RBFOX1: variants seen among roughly 807,000 people sequenced by gnomAD.
RBFOX1 encodes RNA binding protein fox-1 homolog 1.
A neutral mutation model predicts 57.7 loss-of-function variants in RBFOX1; 8 were observed. The ratio of observed to expected loss-of-function variants is 0.14; its 90% CI spans 0.08 to 0.25. The LOEUF (loss-of-function observed/expected upper bound fraction) is 0.25. Among genes scored for constraint, RBFOX1 ranks in the 10% least tolerant of loss-of-function variants. The pLI is 1.00. For synonymous variants in RBFOX1, 326 were observed against 222.4 expected, an observed-to-expected ratio of 1.47 and a Z score of -4.15; for missense variants, 611 against 548.5, an observed-to-expected ratio of 1.11 and a Z score of -1.14.
At chr16:7,518,695 A>G (rs777129580) in intron 5 of RBFOX1, among the ~76,000 whole-genome samples, 9 of 137,642 alleles carry the variant, frequency 6.5e-5, no homozygotes, top group Admixed American at 1.4e-4. Flanking sequence ...ATTTTTTTGG[A>G]AAAAAAAAAT....
intron 2 of RBFOX1, among the ~76,000 whole-genome samples, chr16:6,639,619 G>A (rs1300907765): frequency 6.6e-6 from 1 of 152,206 alleles, no homozygotes; most frequent in African/African-American, 2.4e-5. Flanking sequence ...GCTCACGCCT[G>A]TAATCCCAGC....
intron 3 of RBFOX1, among the ~76,000 whole-genome samples, chr16:6,823,667 G>A (rs1390695974): frequency 6.6e-6 from 1 of 152,164 alleles, no homozygotes. Context: ...CTTAGGGTCA[G>A]TGGAAATCAT....
intron 1 of RBFOX1, among the ~76,000 whole-genome samples, chr16:6,273,311 A>G (rs866103016): frequency 8.6e-5 from 13 of 151,366 alleles, no homozygotes; most frequent in African/African-American, 2.7e-4. Context: ...TTTGAGATTT[A>G]AAGCTAGGCA....
At chr16:5,370,349 C>G (rs373492761) in intron 1 of RBFOX1, among the ~76,000 whole-genome samples, 14 of 152,120 alleles carry the variant, frequency 9.2e-5, no homozygotes, top group African/African-American at 2.9e-4. Context: ...AGACATTCAG[C>G]TGTTTGACGT....
At chr16:7,298,790 G>C (rs1253737250) in intron 4 of RBFOX1, among the ~76,000 whole-genome samples, 2 of 152,212 alleles carry the variant, frequency 1.3e-5, no homozygotes, top group Admixed American at 6.5e-5. Flanking sequence ...TCAAGTAGAA[G>C]TGAATCATCA....
intron 2 of RBFOX1, among the ~76,000 whole-genome samples, chr16:6,653,140 C>G (rs1477259609): frequency 4.6e-5 from 7 of 152,244 alleles, no homozygotes; most frequent in Middle Eastern, 3.4e-3. Context: ...CTACTTGGCT[C>G]ATCCCCCTAA....
At chr16:5,990,159 A>G (rs539833373) in intron 4 of RBFOX1, among the ~76,000 whole-genome samples, 1 of 151,632 alleles carries the variant, frequency 6.6e-6, no homozygotes, top group Admixed American at 6.6e-5. Flanking sequence ...GTAATTTTTT[A>G]CCTTTTTTTG....
intron 14 of RBFOX1, among the ~76,000 whole-genome samples, chr16:7,685,566 T>C (rs2075889155): frequency 1.3e-5 from 2 of 152,082 alleles, no homozygotes; most frequent in South Asian, 2.1e-4. Context: ...CAGAAAGAGA[T>C]GAAGAAGGTG....
intron 2 of RBFOX1, among the ~76,000 whole-genome samples, chr16:6,585,638 G>C (rs777365151): frequency 4.6e-5 from 7 of 152,110 alleles, no homozygotes; most frequent in Admixed American, 6.6e-5. Context: ...CAATGACATA[G>C]ACTCTTTCTG....
intron 3 of RBFOX1, among the ~76,000 whole-genome samples, chr16:6,865,864 T>G (rs936533242): frequency 6.6e-6 from 1 of 152,190 alleles, no homozygotes; most frequent in Non-Finnish European, 1.5e-5. Flanking sequence ...TAGGCTTATT[T>G]CTTCCTGACA....
At chr16:6,792,845 A>G (rs2083231551) in intron 3 of RBFOX1, among the ~76,000 whole-genome samples, 1 of 152,118 alleles carries the variant, frequency 6.6e-6, no homozygotes, top group South Asian at 2.1e-4. Flanking sequence ...CCTGGACAAG[A>G]TGGTGAAACC....
At chr16:7,257,583 G>A (rs2094744670) in intron 4 of RBFOX1, among the ~76,000 whole-genome samples, 1 of 151,994 alleles carries the variant, frequency 6.6e-6, no homozygotes, top group Admixed American at 6.6e-5. Context: ...GCCCACCCTT[G>A]CTTATCCACA....
chr16:7,685,152 G>C, intron 14 of RBFOX1, among the ~76,000 whole-genome samples: 1 of 152,076 alleles, frequency 6.6e-6, no homozygotes, highest in Non-Finnish European at 1.5e-5. Context: ...GACTAGTGAA[G>C]TTTGAGAAGC....
chr16:6,898,060 C>G (rs1567775380), intron 3 of RBFOX1, among the ~76,000 whole-genome samples: 1 of 152,158 alleles, frequency 6.6e-6, no homozygotes, highest in East Asian at 1.9e-4. Context: ...TATATAATGC[C>G]TGATACTTGG....
At chr16:6,675,134 G>C (rs1170412311) in intron 3 of RBFOX1, among the ~76,000 whole-genome samples, 1 of 152,042 alleles carries the variant, frequency 6.6e-6, no homozygotes, top group African/African-American at 2.4e-5. Context: ...TCGATCTCTT[G>C]ACCTCGTGAT....
intron 3 of RBFOX1, among the ~76,000 whole-genome samples, chr16:6,832,490 C>A (rs1197384606): frequency 1.3e-5 from 2 of 152,134 alleles, no homozygotes; most frequent in African/African-American, 2.4e-5. Context: ...AATGTAACAC[C>A]TATTGGGTAT....
At chr16:6,060,140 T>G (rs1474004113) in intron 1 of RBFOX1, among the ~76,000 whole-genome samples, 2 of 28,516 alleles carry the variant, frequency 7.0e-5, no homozygotes, top group Non-Finnish European at 1.0e-4. Context: ...TTTTTTTTTT[T>G]TTTTTTTTTT....
chr16:7,308,721 A>C (rs2096248343), intron 4 of RBFOX1, among the ~76,000 whole-genome samples: 1 of 152,208 alleles, frequency 6.6e-6, no homozygotes, highest in African/African-American at 2.4e-5. Context: ...TTAATTAGAA[A>C]GCGATTCTCA....
intron 10 of RBFOX1, among the ~76,000 whole-genome samples, chr16:7,610,578 A>C (rs2057292682): frequency 6.6e-6 from 1 of 152,312 alleles, no homozygotes; most frequent in Non-Finnish European, 1.5e-5. Flanking sequence ...TGCTGCCACT[A>C]TCCGGATTAT....
Sources: gnomAD v4.1 joint callset for allele counts (sites outside exome capture counted in the v4.1 genomes callset) on GRCh38, gnomAD v4.1.1 for gene constraint, MANE v1.5 for transcripts, NCBI Gene and HGNC (gene_info 2026-07-23, HGNC 2026-07-21) for gene names.